Variants in ANK3 observed in about 807,000 individuals in gnomAD.
ANK3 encodes the protein ankyrin-3.
In ANK3, 57 loss-of-function variants were observed where a neutral mutation model predicts 370.9. The observed-to-expected ratio is 0.15, with a 90% CI of 0.12 to 0.19. The LOEUF (loss-of-function observed/expected upper bound fraction) is 0.19, where lower values mean the gene tolerates loss of function less well. Ranked by LOEUF, ANK3 falls within the 10% of genes least tolerant of loss-of-function variation. The pLI is 1.00. For missense variants in ANK3, 4,439 were observed against 5,302.1 expected, an observed-to-expected ratio of 0.84 and a Z score of 5.06; for synonymous variants, 1,929 against 1,946.3, an observed-to-expected ratio of 0.99 and a Z score of 0.23.
chr10:60,500,230 C>T (rs148839659), intron 2 of ANK3, among the ~76,000 whole-genome samples: 10 of 152,222 alleles, frequency 6.6e-5, no homozygotes, highest in South Asian at 4.1e-4. Context: ...TTCCCCAAAT[C>T]GGCCTTACTA....
chr10:60,646,501 C>T (rs1490561943), intron 1 of ANK3, among the ~76,000 whole-genome samples: 4 of 152,184 alleles, frequency 2.6e-5, no homozygotes, highest in South Asian at 2.1e-4. Flanking sequence ...GCTTGAGGCC[C>T]GAAGTTCTAG....
intron 42 of ANK3, among the ~76,000 whole-genome samples, chr10:60,048,376 G>C (rs2077292089): frequency 1.3e-5 from 2 of 152,166 alleles, no homozygotes; most frequent in Admixed American, 6.5e-5. Flanking sequence ...CTTCTGTGCT[G>C]CTGAAAAGAT....
At chr10:60,702,475 G>A (rs867763825) in intron 1 of ANK3, among the ~76,000 whole-genome samples, 1 of 152,042 alleles carries the variant, frequency 6.6e-6, no homozygotes, top group East Asian at 1.9e-4. Context: ...TATATACTGT[G>A]GGATAAATCC....
intron 23 of ANK3, among the ~76,000 whole-genome samples, chr10:60,147,137 G>T (rs1328604241): frequency 6.6e-6 from 1 of 152,182 alleles, no homozygotes; most frequent in Non-Finnish European, 1.5e-5. Context: ...GGTGTTTGGA[G>T]GATGGAATTG....
intron 2 of ANK3, among the ~76,000 whole-genome samples, chr10:60,463,878 T>C (rs1462164798): frequency 6.6e-6 from 1 of 152,176 alleles, no homozygotes; most frequent in East Asian, 1.9e-4. Flanking sequence ...TTGTATATCA[T>C]GCTCCAAGGG....
intron 2 of ANK3, among the ~76,000 whole-genome samples, chr10:60,398,421 TTA>T (rs1447017522): frequency 6.6e-6 from 1 of 152,116 alleles, no homozygotes; most frequent in Non-Finnish European, 1.5e-5. Context: ...CTTGGAATAT[TTA>T]TGTGTACATA....
chr10:60,418,405 A>G (rs2063713138), intron 2 of ANK3, among the ~76,000 whole-genome samples: 1 of 151,960 alleles, frequency 6.6e-6, no homozygotes, highest in African/African-American at 2.4e-5. Flanking sequence ...GCCTTCCCTA[A>G]TCACCAGGCT....
At chr10:60,105,177 C>A (rs1382361276) in intron 28 of ANK3, among the ~76,000 whole-genome samples, 2 of 151,448 alleles carry the variant, frequency 1.3e-5, no homozygotes, top group African/African-American at 4.8e-5. Context: ...TTTCTCTCAG[C>A]ATCAGACGTT....
At chr10:60,472,070 T>C (rs948397907) in intron 2 of ANK3, among the ~76,000 whole-genome samples, 8 of 152,186 alleles carry the variant, frequency 5.3e-5, no homozygotes. Context: ...TCTTATCAGA[T>C]AGAGTGGCTC....
At chr10:60,564,280 GA>G (rs2077407929) in intron 2 of ANK3, among the ~76,000 whole-genome samples, 1 of 152,150 alleles carries the variant, frequency 6.6e-6, no homozygotes, top group Non-Finnish European at 1.5e-5. Flanking sequence ...AATGGAAAAG[GA>G]TTAACATGCC....
chr10:60,509,733 C>A (rs531956263), intron 2 of ANK3, among the ~76,000 whole-genome samples: 3 of 152,234 alleles, frequency 2.0e-5, no homozygotes, highest in South Asian at 2.1e-4. Flanking sequence ...AAACTATTAA[C>A]AATCAGTCTT....
At chr10:60,705,824 CTTTTT>C (rs11294932) in intron 1 of ANK3, among the ~76,000 whole-genome samples, 1 of 94,526 alleles carries the variant, frequency 1.1e-5, no homozygotes, top group Non-Finnish European at 2.1e-5. Context: ...TTTTTTCTTT[CTTTTT>C]TTTTTTTTTT....
At chr10:60,653,482 C>T (rs530690986) in intron 1 of ANK3, among the ~76,000 whole-genome samples, 1 of 152,176 alleles carries the variant, frequency 6.6e-6, no homozygotes, top group African/African-American at 2.4e-5. Flanking sequence ...TTTAACTGGA[C>T]TTTCTATGTT....
intron 1 of ANK3, among the ~76,000 whole-genome samples, chr10:60,333,234 T>C (rs895732410): frequency 4.1e-4 from 63 of 152,232 alleles, no homozygotes; most frequent in African/African-American, 1.4e-3. Flanking sequence ...CGTGTCATGG[T>C]GGTTTGCTGC....
chr10:60,699,085 G>A (rs1007379970), intron 1 of ANK3, among the ~76,000 whole-genome samples: 7 of 142,528 alleles, frequency 4.9e-5, no homozygotes, highest in South Asian at 2.4e-4. Flanking sequence ...CAATGAGGAC[G>A]CAAAGACATA....
At chr10:60,546,779 C>G (rs1304469056) in intron 2 of ANK3, among the ~76,000 whole-genome samples, 1 of 152,002 alleles carries the variant, frequency 6.6e-6, no homozygotes, top group Non-Finnish European at 1.5e-5. Context: ...AATAAACATT[C>G]AAATTAAAAG....
intron 16 of ANK3, among the ~76,000 whole-genome samples, chr10:60,188,708 A>T (rs1023076266): frequency 1.3e-5 from 2 of 152,136 alleles, no homozygotes; most frequent in African/African-American, 4.8e-5. Flanking sequence ...TCACTTCTAG[A>T]CTCTTCTGAA....
chr10:60,671,869 T>A lies in ANK3; in HGVS notation c.58-56645A>T, dbSNP rs566176224. Among the ~76,000 whole-genome samples the A allele has an allele frequency of 1.1e-3, 170 of 152,332 alleles. 1 individual carries two copies. The highest frequency in any genetic ancestry group is 2.8e-4 in the Non-Finnish European group (19 of 68,024). ...CATGTGTTGAGAAACTGTAGCCTCC[T>A]GCAAAAGATCAGCACTGGCTTGCCA... On this transcript the variant is annotated intron_variant, in intron 1 of 43. Coordinates refer to the ANK3 transcript ENST00000373827.
chr10:60,076,430 G>A lies in ANK3; in HGVS notation c.4451C>T (p.Ala1484Val). The change falls in exon 37 of 44, where the codon GCA (alanine) becomes GTA (valine). Residue 1484 changes from alanine (A) to valine (V), a missense_variant. Physicochemically the swap from Ala to Val is moderately conservative, Grantham distance 64. Around this residue, in one of 13 missense-constraint regions of ANK3, gnomAD observed 679 missense variants for 791.0 expected, o/e 0.86. Coordinates refer to ENST00000280772, the MANE Select transcript of ANK3 (RefSeq NM_020987.5). ...EPGMIERSTG[A>V]TRSLPTTYSY... ...GTAAGTGGTGGGGAGGGATCTTGTT[G>A]CTCCTGTACTCCGTTCAACTGTTTC... 1 of 1,606,090 alleles carries A rather than the reference G, an allele frequency of 6.2e-7. No individual in the cohort carries two copies. Among genetic ancestry groups the A allele is most frequent in the Non-Finnish European group, 8.5e-7 (1 of 1,176,120 alleles).
Sources: allele counts gnomAD v4.1 joint callset (sites outside exome capture counted in the v4.1 genomes callset), GRCh38; gene constraint gnomAD v4.1.1; regional missense constraint gnomAD v4.1.1; transcripts MANE v1.5; gene names NCBI Gene and HGNC (gene_info 2026-07-23, HGNC 2026-07-21).